CDC42SE2: variants seen among roughly 807,000 people sequenced by gnomAD.
CDC42SE2 encodes the protein CDC42 small effector 2.
In CDC42SE2, 3 loss-of-function variants were observed where a neutral mutation model predicts 11.5. The ratio of observed to expected loss-of-function variants is 0.26; its 90% CI spans 0.12 to 0.67. The LOEUF (loss-of-function observed/expected upper bound fraction) is 0.67, where lower values mean the gene tolerates loss of function less well. Ranked by LOEUF, CDC42SE2 falls within the 30% of genes least tolerant of loss-of-function variation. The probability of loss-of-function intolerance (pLI) is 0.80; values close to 1 mark genes in which losing one functional copy is unlikely to be tolerated. For synonymous variants in CDC42SE2, 33 were observed against 34.8 expected (o/e 0.95, Z 0.18); for missense variants, 82 against 106.8 (o/e 0.77, Z 1.02).
intron 1 of CDC42SE2, among the ~76,000 whole-genome samples, chr5:131,271,205 T>G (rs1204027745): frequency 6.6e-6 from 1 of 152,160 alleles, no homozygotes; most frequent in Non-Finnish European, 1.5e-5. Context: ...TTTAAGGTAG[T>G]TCTATAACAT....
chr5:131,264,359 C>T (rs1756807260), intron 1 of CDC42SE2, among the ~76,000 whole-genome samples, 193 bp downstream of exon 1: 1 of 152,206 alleles, frequency 6.6e-6, no homozygotes, highest in African/African-American at 2.4e-5. Flanking sequence ...GCGAGGTCCT[C>T]ATGCCCTAGG....
intron 1 of CDC42SE2, among the ~76,000 whole-genome samples, chr5:131,266,371 T>G (rs1042254711): frequency 6.6e-6 from 1 of 152,088 alleles, no homozygotes; most frequent in Admixed American, 6.5e-5. Context: ...TGTTAATGCT[T>G]ATAATACTTA....
chr5:131,390,083 G>T (rs1376619941), intron 4 of CDC42SE2, among the ~76,000 whole-genome samples: 1 of 152,194 alleles, frequency 6.6e-6, no homozygotes, highest in African/African-American at 2.4e-5. Flanking sequence ...CTGCAATGTG[G>T]TCGGGAGAGA....
At chr5:131,363,124 C>T (rs1200796212) in intron 3 of CDC42SE2, among the ~76,000 whole-genome samples, 4 of 150,890 alleles carry the variant, frequency 2.7e-5, no homozygotes, top group East Asian at 1.9e-4. Context: ...AGCCTGGCGA[C>T]AGGGCAAGAC....
intron 2 of CDC42SE2, among the ~76,000 whole-genome samples, chr5:131,255,739 G>A (rs1016887268): frequency 8.5e-5 from 13 of 152,128 alleles, no homozygotes; most frequent in Non-Finnish European, 1.5e-4. Flanking sequence ...CAGCCTGGGT[G>A]ACAGAGCAAG....
intron 2 of CDC42SE2, among the ~76,000 whole-genome samples, chr5:131,353,213 G>C (rs941629512): frequency 2.0e-5 from 3 of 151,880 alleles, no homozygotes; most frequent in Non-Finnish European, 2.9e-5. Flanking sequence ...AGCAATCCTT[G>C]TGCCTCAGCA....
chr5:131,298,904 T>C (rs1483833132), intron 1 of CDC42SE2, among the ~76,000 whole-genome samples: 1 of 152,134 alleles, frequency 6.6e-6, no homozygotes, highest in Non-Finnish European at 1.5e-5. Context: ...GTAATATAAA[T>C]GCCCTGAAAG....
intron 1 of CDC42SE2, among the ~76,000 whole-genome samples, chr5:131,298,908 C>G (rs1757626950): frequency 6.6e-6 from 1 of 152,066 alleles, no homozygotes; most frequent in South Asian, 2.1e-4. Context: ...TATAAATGCC[C>G]TGAAAGGAAG....
the CDC42SE2 span, among the ~76,000 whole-genome samples, chr5:131,222,831 C>T: frequency 2.6e-5 from 4 of 152,238 alleles, no homozygotes; most frequent in Non-Finnish European, 5.9e-5. Context: ...CATAGAAAGA[C>T]AGACACAATG....
At chr5:131,298,983 A>G (rs1399364755) in intron 1 of CDC42SE2, among the ~76,000 whole-genome samples, 2 of 152,184 alleles carry the variant, frequency 1.3e-5, no homozygotes, top group Admixed American at 1.3e-4. Context: ...TCCTGAAGGA[A>G]ATGATAGCCA....
intron 2 of CDC42SE2, among the ~76,000 whole-genome samples, chr5:131,339,018 CG>C (rs1333552423): frequency 1.3e-5 from 2 of 151,776 alleles, no homozygotes; most frequent in African/African-American, 4.8e-5. Flanking sequence ...GAGACCGAGG[CG>C]GGTGGATCAT....
chr5:131,258,213 CCT>C (rs1424171545), intron 2 of CDC42SE2, among the ~76,000 whole-genome samples: 1 of 152,074 alleles, frequency 6.6e-6, no homozygotes, highest in Admixed American at 6.6e-5. Context: ...TGCCACATCC[CCT>C]TTCTCTTTAT....
chr5:131,246,761 CTTTTTTTTT>C (rs71000981), intron 1 of CDC42SE2, among the ~76,000 whole-genome samples: 6 of 124,480 alleles, frequency 4.8e-5, no homozygotes, highest in African/African-American at 1.8e-4. Context: ...CACTCAAATC[CTTTTTTTTT>C]TTTTTTTTTG....
In CDC42SE2 at chr5:131,302,159, A is replaced by G. The variant is rs560097501; in HGVS notation, c.-454-13817A>G. On this transcript the variant is annotated intron_variant, in intron 1 of 4. Transcript: ENST00000505065. Reference sequence around the variant, plus strand: ...GTAGCTGGGATTACAGGCACGCGCCACTACTGCCCGGCTAAGTTTTGGTTG... The same window carrying G: ...GTAGCTGGGATTACAGGCACGCGCCGCTACTGCCCGGCTAAGTTTTGGTTG... Among the ~76,000 whole-genome samples the G allele has an allele frequency of 8.7e-5, 13 of 149,890 alleles. No individual in the cohort carries two copies. The East Asian group carries it at 1.8e-3, about 20-fold the overall frequency.
At chr5:131,381,155 G>A (rs1446247067) in intron 3 of CDC42SE2, among the ~76,000 whole-genome samples, 1 of 151,946 alleles carries the variant, frequency 6.6e-6, no homozygotes, top group Non-Finnish European at 1.5e-5. Context: ...TCATTAACTT[G>A]GCTTTGTTAA....
chr5:131,235,141 A>G, the CDC42SE2 span, among the ~76,000 whole-genome samples: 3 of 152,038 alleles, frequency 2.0e-5, no homozygotes, highest in South Asian at 2.1e-4. Flanking sequence ...TGCCTGCCTC[A>G]GCCTCCCAAA....
upstream of CDC42SE2, among the ~76,000 whole-genome samples, chr5:131,260,130 A>G (rs1756711137): frequency 6.6e-6 from 1 of 152,224 alleles, no homozygotes; most frequent in South Asian, 2.1e-4. Context: ...TATTTCTCAC[A>G]ACAGACCTCA....
intron 1 of CDC42SE2, among the ~76,000 whole-genome samples, chr5:131,310,684 C>T (rs576705433): frequency 1.8e-3 from 271 of 152,180 alleles, no homozygotes; most frequent in South Asian, 3.9e-3. Flanking sequence ...TTGAATTGAT[C>T]CCTTTACCAT....
At chr5:131,225,031 G>T in the CDC42SE2 span, among the ~76,000 whole-genome samples, 1 of 152,070 alleles carries the variant, frequency 6.6e-6, no homozygotes, top group East Asian at 1.9e-4. Flanking sequence ...GGCAGAGAGG[G>T]TAAGCAGTGG....
Sources: gnomAD v4.1 joint callset for allele counts (sites outside exome capture counted in the v4.1 genomes callset) on GRCh38, gnomAD v4.1.1 for gene constraint, MANE v1.5 for transcripts, NCBI Gene and HGNC (gene_info 2026-07-23, HGNC 2026-07-21) for gene names.